SP100: variants seen among roughly 807,000 people sequenced by gnomAD.
SP100 encodes nuclear autoantigen Sp-100.
A neutral mutation model predicts 130.0 loss-of-function variants in SP100; 84 were observed. That is an observed-to-expected ratio of 0.65 (90% CI 0.54 to 0.77). The LOEUF (loss-of-function observed/expected upper bound fraction) is 0.77, where lower values mean the gene tolerates loss of function less well. SP100 is among the 30% of genes least tolerant of loss of function. The pLI is 0.00. For missense variants in SP100, 978 were observed against 1,052.2 expected (o/e 0.93, Z 0.97); for synonymous variants, 331 against 351.7 (o/e 0.94, Z 0.66).
At chr2:230,479,784 T>C (rs1396922853) in intron 17 of SP100, among the ~76,000 whole-genome samples, 1 of 152,214 alleles carries the variant, frequency 6.6e-6, no homozygotes, top group East Asian at 1.9e-4. Flanking sequence ...TGGAATGTTT[T>C]TCGTTGGAGA....
At chr2:230,512,896 G>T (rs1021028587) in intron 24 of SP100, among the ~76,000 whole-genome samples, 1 of 152,174 alleles carries the variant, frequency 6.6e-6, no homozygotes, top group African/African-American at 2.4e-5. Context: ...TGAGGCATTA[G>T]ATTCTCAAAA....
At chr2:230,515,219 C>T (rs566762218) in intron 24 of SP100, 32 of 1,613,428 alleles carry the variant, frequency 2.0e-5, no homozygotes, top group Middle Eastern at 3.3e-4. Flanking sequence ...ATGGCAAAGG[C>T]GGACAAGGCC....
chr2:230,474,036 GA>G (rs1353403034), intron 16 of SP100, among the ~76,000 whole-genome samples: 1 of 152,166 alleles, frequency 6.6e-6, no homozygotes, highest in Non-Finnish European at 1.5e-5. Flanking sequence ...ACATTGTTTT[GA>G]AAGATATCCT....
chr2:230,502,921 C>A, intron 19 of SP100, 145 bp from the exon 20 acceptor site: 1 of 589,754 alleles, frequency 1.7e-6, no homozygotes, highest in Non-Finnish European at 3.1e-6. Flanking sequence ...ACTATCTGTC[C>A]CTTTACAAAA....
At chr2:230,498,557 T>C (rs1489220468) in intron 19 of SP100, 22 bp downstream of exon 19, 4 of 1,253,902 alleles carry the variant, frequency 3.2e-6, no homozygotes. Context: ...AAAATACATT[T>C]TAAATAAATA....
intron 24 of SP100, chr2:230,515,794 G>A (rs779700002): frequency 7.5e-6 from 11 of 1,462,560 alleles, no homozygotes; most frequent in East Asian, 7.1e-5. Flanking sequence ...AACCACTACC[G>A]AATGTGTCTT....
intron 18 of SP100, among the ~76,000 whole-genome samples, chr2:230,497,503 AGAG>A (rs2066742178): frequency 5.8e-5 from 1 of 17,196 alleles, no homozygotes; most frequent in African/African-American, 2.3e-4. Context: ...AGAGGAGAGG[AGAG>A]GAGAGGAGAG....
At chr2:230,524,298 A>T (rs1691318982) in intron 24 of SP100, among the ~76,000 whole-genome samples, 1 of 149,056 alleles carries the variant, frequency 6.7e-6, no homozygotes, top group African/African-American at 2.5e-5. Flanking sequence ...AGAAGTTGTA[A>T]TTAGCAAAGA....
intron 18 of SP100, among the ~76,000 whole-genome samples, chr2:230,496,086 G>T (rs2066652753): frequency 6.6e-6 from 1 of 151,926 alleles, no homozygotes; most frequent in Non-Finnish European, 1.5e-5. Flanking sequence ...ATTCCAGTTT[G>T]TACTTACCCA....
At chr2:230,528,401 C>A (rs1691533028) in intron 24 of SP100, among the ~76,000 whole-genome samples, 1 of 152,114 alleles carries the variant, frequency 6.6e-6, no homozygotes, top group Non-Finnish European at 1.5e-5. Context: ...CACAGTGTAC[C>A]AGAATCTCTG....
chr2:230,428,258 G>A (rs962802090), intron 2 of SP100, among the ~76,000 whole-genome samples: 4 of 152,008 alleles, frequency 2.6e-5, no homozygotes, highest in African/African-American at 9.7e-5. Context: ...AAATAAAATA[G>A]AAGTACCTGA....
chr2:230,471,855 A>T (rs1255554501), intron 15 of SP100, among the ~76,000 whole-genome samples: 1 of 152,184 alleles, frequency 6.6e-6, no homozygotes, highest in Non-Finnish European at 1.5e-5. Context: ...AAGGAATTCA[A>T]ATATTCCAGG....
chr2:230,492,138 C>T lies in SP100; in HGVS notation c.1601-2278C>T, dbSNP rs147704831. ...TTGTCCAGTCTTTTTCCTCTCCCATCCAATTTTAGGCTGTGCCATTACCAT... is the reference window on the plus strand; with the variant it reads ...TTGTCCAGTCTTTTTCCTCTCCCATTCAATTTTAGGCTGTGCCATTACCAT... On this transcript the variant is annotated intron_variant, in intron 17 of 28. Transcript: ENST00000340126. 6.0e-4 allele frequency among the ~76,000 whole-genome samples: 91 copies of T among 152,280 alleles called. No individual in the cohort carries two copies. In the East Asian group the frequency reaches 0.015, roughly 26 times the overall value.
chr2:230,435,843 G>A (rs2063247053), intron 2 of SP100, among the ~76,000 whole-genome samples: 1 of 152,000 alleles, frequency 6.6e-6, no homozygotes, highest in East Asian at 1.9e-4. Context: ...GCAAAAACAT[G>A]GAATCAACCT....
At chr2:230,475,368 C>T (rs1047695727) in intron 17 of SP100, among the ~76,000 whole-genome samples, 1 of 151,948 alleles carries the variant, frequency 6.6e-6, no homozygotes, top group African/African-American at 2.4e-5. Context: ...TGTCCTTTGC[C>T]CATTTTTTAA....
At chr2:230,425,156 G>A (rs1469591538) in intron 2 of SP100, among the ~76,000 whole-genome samples, 1 of 151,940 alleles carries the variant, frequency 6.6e-6, no homozygotes, top group Non-Finnish European at 1.5e-5. Context: ...TGTGTGATGA[G>A]AATATTTAAG....
chr2:230,516,918 T>G (rs1690944224), intron 24 of SP100, among the ~76,000 whole-genome samples: 1 of 152,226 alleles, frequency 6.6e-6, no homozygotes, highest in South Asian at 2.1e-4. Context: ...AAATGTCATA[T>G]ACTCTTTAGG....
At chr2:230,430,084 T>G (rs2063052220) in intron 2 of SP100, among the ~76,000 whole-genome samples, 1 of 152,248 alleles carries the variant, frequency 6.6e-6, no homozygotes, top group Non-Finnish European at 1.5e-5. Flanking sequence ...CAATAACCTC[T>G]TCCAGGCTTT....
Position 230,543,812 on chromosome 2 carries a change from A to T in SP100, c.*866A>T, listed in dbSNP as rs974823881. ...TCACAGAACTAGATAAAACTATTTTAAAATTCATACAGAACCAAAAAAGAG... is the reference window on the plus strand; with the variant it reads ...TCACAGAACTAGATAAAACTATTTTTAAATTCATACAGAACCAAAAAAGAG... On this transcript the variant is annotated 3_prime_UTR_variant, in exon 29 of 29. Transcript: ENST00000340126. 6.6e-6 allele frequency: 1 copy of T among 152,228 alleles called. No homozygotes were observed. The highest frequency in any genetic ancestry group is 2.4e-5 in the African/African-American group (1 of 41,466). The allele number at this position is 152,228 out of a possible 1,614,324, so 9.4% of individuals were successfully genotyped here.
Sources: allele counts gnomAD v4.1 joint callset (sites outside exome capture counted in the v4.1 genomes callset), GRCh38; gene constraint gnomAD v4.1.1; transcripts MANE v1.5; gene names NCBI Gene and HGNC (gene_info 2026-07-23, HGNC 2026-07-21).